Variants in FAM186B observed in about 807,000 individuals in gnomAD.
FAM186B encodes the protein family with sequence similarity 186 member B, also known as protein FAM186B.
In FAM186B, 68 loss-of-function variants were observed where a neutral mutation model predicts 83.4. That is an observed-to-expected ratio of 0.81 (90% CI 0.67 to 1.00). FAM186B has a LOEUF of 1.00. Among genes scored for constraint, FAM186B ranks in the 50% least tolerant of loss-of-function variants. FAM186B has a pLI of 0.00. For synonymous variants in FAM186B, 389 were observed against 422.0 expected, an observed-to-expected ratio of 0.92 and a Z score of 0.96; for missense variants, 983 against 1,099.2, an observed-to-expected ratio of 0.89 and a Z score of 1.49.
At chr12:49,608,485 C>A, upstream of FAM186B, among the ~76,000 whole-genome samples, 1 of 145,626 alleles carries the variant, frequency 6.9e-6, no homozygotes. Flanking sequence ...AGCAAGACTC[C>A]GTCTCCAAAA....
At chr12:49,587,421 A>T, downstream of FAM186B, 1 of 743,738 alleles carries the variant, frequency 1.3e-6, no homozygotes, top group Non-Finnish European at 2.2e-6. Context: ...TGCTGTTGGC[A>T]TGGGGACCCC....
chr12:49,609,144 G>A (rs372533272), upstream of FAM186B, among the ~76,000 whole-genome samples: 3 of 152,146 alleles, frequency 2.0e-5, no homozygotes, highest in East Asian at 3.9e-4. Context: ...GGTGGGAAAG[G>A]GACTGCTACA....
At position 49,605,441 on chromosome 12, in the gene FAM186B, T is replaced by G; in HGVS notation, c.37A>C (p.Thr13Pro). The G allele has an allele frequency of 1.2e-6, 2 of 1,613,876 alleles. No individual in the cohort carries two copies. Among genetic ancestry groups the G allele is most frequent in the Non-Finnish European group, 1.7e-6 (2 of 1,179,924 alleles). ...CTCAGGATGATGGCTTTCACTGATG[T>G]GGGAGTCACCAACTGTGGGGGGTCA... ...KDDPPQLVTP[T>P]SVKAIILRIE... is the part of the protein sequence containing the mutation. Residue 13 changes from threonine to proline, a missense_variant, in exon 1 of 7, where the codon ACA (threonine) becomes CCA (proline). Coordinates refer to ENST00000257894, the MANE Select transcript of FAM186B (RefSeq NM_032130.3).
At chr12:49,614,621 T>A in the FAM186B span, among the ~76,000 whole-genome samples, 122 of 152,180 alleles carry the variant, frequency 8.0e-4, no homozygotes, top group Admixed American at 2.2e-3. Flanking sequence ...AAACTGACTA[T>A]TGGGCACTGT....
Position 49,598,832 on chromosome 12 carries a change from C to T in FAM186B, c.2287G>A (p.Ala763Thr), listed in dbSNP as rs745528985. ...IDRLQSLRLQ[A>T]WTDKQKGLEE... is the part of the protein sequence containing the mutation. ...AGCCCCTTCTGCTTGTCCGTCCAGG[C>T]CTGCAGCCTGAGACTCTGCAGGCGG... The change falls in exon 5 of 7, where the codon GCC becomes ACC. Residue 763 changes from alanine to threonine, a missense_variant. Coordinates refer to ENST00000257894, the MANE Select transcript of FAM186B (RefSeq NM_032130.3). 1.9e-6 allele frequency: 3 copies of T among 1,613,182 alleles called. No homozygotes were observed. The highest frequency in any genetic ancestry group is 2.2e-5 in the South Asian group (2 of 90,974).
intron 5 of FAM186B, chr12:49,594,161 A>C (rs911181427): frequency 7.2e-6 from 2 of 276,670 alleles, no homozygotes; most frequent in African/African-American, 4.6e-5. Context: ...CATGCAGAAA[A>C]TGAAATAAAA....
upstream of FAM186B, among the ~76,000 whole-genome samples, chr12:49,610,110 C>G (rs1010492564): frequency 4.0e-5 from 6 of 151,630 alleles, no homozygotes; most frequent in African/African-American, 1.5e-4. Flanking sequence ...CAGTCATTAC[C>G]CCCTAGGCAG....
At chr12:49,616,898 T>C in the FAM186B span, among the ~76,000 whole-genome samples, 1 of 152,214 alleles carries the variant, frequency 6.6e-6, no homozygotes, top group South Asian at 2.1e-4. Context: ...TTTGTAATGC[T>C]CGAGACTGTG....
At position 49,600,033 on chromosome 12, in the gene FAM186B, T is replaced by C. The variant is rs150140309; in HGVS notation, c.1607A>G (p.Gln536Arg). ...LAREQQRRWV[Q>R]LEKEQESPRR... ...TGGGCTCTCCTGCTCCTTTTCTAGCTGGACCCATCTCCGCTGTTGCTCCCT... is the reference window on the plus strand; with the variant it reads ...TGGGCTCTCCTGCTCCTTTTCTAGCCGGACCCATCTCCGCTGTTGCTCCCT... The change falls in exon 4 of 7, where the codon CAG becomes CGG. Residue 536 changes from glutamine (Q) to arginine (R), a missense_variant. Gln to Arg is a conservative substitution (Grantham distance 43, BLOSUM62 1). Coordinates refer to ENST00000257894, the MANE Select transcript of FAM186B (RefSeq NM_032130.3). The surrounding 1 kb of genome is among the most constrained non-coding windows in gnomAD (Gnocchi z 4.3). The C allele has an allele frequency of 6.5e-5, 104 of 1,607,528 alleles. No homozygotes were observed. Among genetic ancestry groups the C allele is most frequent in the Non-Finnish European group, 8.5e-5 (100 of 1,176,784 alleles).
chr12:49,596,042 A>T (rs1291803870), intron 5 of FAM186B, among the ~76,000 whole-genome samples: 1 of 152,208 alleles, frequency 6.6e-6, no homozygotes, highest in African/African-American at 2.4e-5. Flanking sequence ...TCACTTAGAG[A>T]AACAGGCCAT....
At chr12:49,590,122 T>C (rs566745161) in intron 5 of FAM186B, among the ~76,000 whole-genome samples, 2 of 152,194 alleles carry the variant, frequency 1.3e-5, no homozygotes, top group Admixed American at 6.5e-5. Flanking sequence ...GTCAGAAGTT[T>C]CAAGGATTCC....
chr12:49,587,002 G>A (rs1191028987), downstream of FAM186B, among the ~76,000 whole-genome samples: 1 of 152,186 alleles, frequency 6.6e-6, no homozygotes, highest in Non-Finnish European at 1.5e-5. Flanking sequence ...GTCACAGGAG[G>A]CAGATGGGAT....
At chr12:49,590,369 C>A (rs916863153) in intron 5 of FAM186B, among the ~76,000 whole-genome samples, 5 of 152,060 alleles carry the variant, frequency 3.3e-5, no homozygotes, top group African/African-American at 4.8e-5. Context: ...ATAAGTTGGA[C>A]CCACTTTAGT....
chr12:49,583,868 AG>A (rs1939385053), downstream of FAM186B: 1 of 153,840 alleles, frequency 6.5e-6, no homozygotes, highest in Non-Finnish European at 1.4e-5. Flanking sequence ...GAGGGTGTGT[AG>A]GTGCTCGTGA....
intron 5 of FAM186B, 45 bp from the exon 6 acceptor site, chr12:49,588,668 T>C (rs747647869): frequency 6.5e-7 from 1 of 1,529,896 alleles, no homozygotes; most frequent in South Asian, 1.3e-5. Context: ...GGAAGTTATC[T>C]CCTCTCTAGG....
upstream of FAM186B, chr12:49,605,753 C>CTTTTTTTTTTT (rs200117345): frequency 4.4e-6 from 1 of 228,830 alleles, no homozygotes; most frequent in African/African-American, 2.8e-5. Flanking sequence ...GACTTGTTGC[C>CTTTTTTTTTTT]TTTTCTTTTT....
chr12:49,585,390 C>T (rs1452568291), downstream of FAM186B, among the ~76,000 whole-genome samples: 1 of 152,124 alleles, frequency 6.6e-6, no homozygotes, highest in East Asian at 1.9e-4. Flanking sequence ...AGAGTCAAGG[C>T]TAAGATTGTC....
In FAM186B at chr12:49,599,530, C is replaced by T. The variant is rs572186499; in HGVS notation, c.2110G>A (p.Ala704Thr). 28 of 1,600,406 alleles carry T rather than the reference C, an allele frequency of 1.7e-5. No individual in the cohort carries two copies. The highest frequency in any genetic ancestry group is 1.5e-4 in the African/African-American group (11 of 74,356). Residue 704 changes from alanine (A) to threonine (T), a missense_variant, in exon 4 of 7, where the codon GCG (alanine) becomes ACG (threonine). By Grantham distance (58) the Ala-to-Thr change is moderately conservative (BLOSUM62 0). Transcript: ENST00000257894. ...TGGCACAGGTACTGCAGCCTGAGCG[C>T]GCCCAGCTCCATGGTGGTGGTGGTG... ...ELTTTTMELG[A>T]LRLQYLCHKY...
chr12:49,607,713 T>C (rs919130462), upstream of FAM186B, among the ~76,000 whole-genome samples: 4 of 152,176 alleles, frequency 2.6e-5, no homozygotes, highest in African/African-American at 7.2e-5. Flanking sequence ...TTTTTAATTT[T>C]TTCTGAGACA....
Sources: gnomAD v4.1 joint callset for allele counts (sites outside exome capture counted in the v4.1 genomes callset) on GRCh38, gnomAD v4.1.1 for gene constraint, Gnocchi (gnomAD v3.1) non-coding constraint, MANE v1.5 for transcripts, NCBI Gene and HGNC (gene_info 2026-07-23, HGNC 2026-07-21) for gene names.